CTNNA3: variants seen among roughly 807,000 people sequenced by gnomAD.
The protein encoded by CTNNA3 is catenin alpha-3.
CTNNA3 carries 76 observed loss-of-function variants against 95.7 expected under a neutral mutation model. That is an observed-to-expected ratio of 0.79 (90% confidence interval 0.66 to 0.96). CTNNA3 has a LOEUF of 0.96. Among genes scored for constraint, CTNNA3 ranks in the 40% least tolerant of loss-of-function variants. The probability of loss-of-function intolerance (pLI) is 0.00; values close to 1 mark genes in which losing one functional copy is unlikely to be tolerated. For missense variants in CTNNA3, 1,191 were observed against 1,089.8 expected, an observed-to-expected ratio of 1.09 and a Z score of -1.31; for synonymous variants, 431 against 374.4, an observed-to-expected ratio of 1.15 and a Z score of -1.74.
At chr10:66,624,871 T>G (rs1043933164) in intron 9 of CTNNA3, among the ~76,000 whole-genome samples, 6 of 152,148 alleles carry the variant, frequency 3.9e-5, no homozygotes, top group African/African-American at 1.4e-4. Context: ...GAAGAAAGTC[T>G]TGAAAAGCAT....
At position 67,606,931 on chromosome 10, in the gene CTNNA3, C is replaced by A; in HGVS notation, c.218G>T (p.Gly73Val). Residue 73 changes from glycine to valine, a missense_variant, in exon 3 of 18, where the codon GGA (glycine) becomes GTA (valine). Transcript: ENST00000433211. ...TGTAGCTTCCTGGGCAATCTTCTCTCCCTTGTCTAATAAATTCCAAGTTGC... is the reference window on the plus strand; with the variant it reads ...TGTAGCTTCCTGGGCAATCTTCTCTACCTTGTCTAATAAATTCCAAGTTGC... ...EEATWNLLDK[G>V]EKIAQEATVL... 6.2e-7 allele frequency: 1 copy of A among 1,614,100 alleles called. No homozygotes were observed. Among genetic ancestry groups the A allele is most frequent in the South Asian group, 1.1e-5 (1 of 91,082 alleles).
At chr10:67,081,591 A>G (rs1857057912) in intron 7 of CTNNA3, among the ~76,000 whole-genome samples, 1 of 152,098 alleles carries the variant, frequency 6.6e-6, no homozygotes, top group African/African-American at 2.4e-5. Flanking sequence ...GGCTCTCATC[A>G]TCTCTCGCCT....
chr10:66,464,364 T>C (rs746585964), intron 11 of CTNNA3, among the ~76,000 whole-genome samples: 3 of 152,158 alleles, frequency 2.0e-5, no homozygotes, highest in Admixed American at 6.6e-5. Context: ...CACTCATACT[T>C]GCTTCTTTCT....
chr10:66,580,293 T>G (rs2132193482), intron 10 of CTNNA3, among the ~76,000 whole-genome samples: 1 of 151,902 alleles, frequency 6.6e-6, no homozygotes, highest in Admixed American at 6.6e-5. Context: ...TTTTAATTTT[T>G]ATGGCTACAT....
intron 5 of CTNNA3, among the ~76,000 whole-genome samples, chr10:67,294,833 T>A (rs1871613): frequency 1.3e-5 from 2 of 152,184 alleles, no homozygotes; most frequent in African/African-American, 2.4e-5. Flanking sequence ...CTGCCTAGAC[T>A]GAGGTGTTGT....
intron 5 of CTNNA3, among the ~76,000 whole-genome samples, chr10:67,382,451 C>G (rs1843982552): frequency 6.6e-6 from 1 of 151,968 alleles, no homozygotes; most frequent in Non-Finnish European, 1.5e-5. Context: ...AACTAAAAAT[C>G]AACTAACAAA....
At chr10:66,544,320 T>C (rs1221478649) in intron 10 of CTNNA3, among the ~76,000 whole-genome samples, 1 of 152,024 alleles carries the variant, frequency 6.6e-6, no homozygotes, top group Non-Finnish European at 1.5e-5. Flanking sequence ...AACTGAAGAC[T>C]TAATGTTGAA....
chr10:66,718,886 A>G (rs1386823008), intron 9 of CTNNA3, among the ~76,000 whole-genome samples: 1 of 152,184 alleles, frequency 6.6e-6, no homozygotes, highest in Non-Finnish European at 1.5e-5. Context: ...AATCATTTCA[A>G]ATAACTTTAT....
chr10:66,376,870 G>A (rs563180919), intron 12 of CTNNA3, among the ~76,000 whole-genome samples: 1 of 152,236 alleles, frequency 6.6e-6, no homozygotes, highest in East Asian at 1.9e-4. Context: ...TAACTAATAA[G>A]TCCAAGATGT....
chr10:66,044,808 C>A (rs1195260519), intron 15 of CTNNA3, among the ~76,000 whole-genome samples: 1 of 152,150 alleles, frequency 6.6e-6, no homozygotes, highest in Non-Finnish European at 1.5e-5. Context: ...TAACAATCAC[C>A]ATTTATTGTG....
At chr10:66,531,132 TAAGTAA>T (rs1459481543) in intron 10 of CTNNA3, among the ~76,000 whole-genome samples, 4 of 152,118 alleles carry the variant, frequency 2.6e-5, no homozygotes, top group African/African-American at 4.8e-5. Context: ...CCAAATTAAA[TAAGTAA>T]AAGAGGAAAA....
intron 9 of CTNNA3, among the ~76,000 whole-genome samples, chr10:66,659,047 G>A (rs1425576397): frequency 6.6e-6 from 1 of 151,986 alleles, no homozygotes; most frequent in Non-Finnish European, 1.5e-5. Flanking sequence ...TGTATTCACT[G>A]AATGAATATT....
intron 11 of CTNNA3, among the ~76,000 whole-genome samples, chr10:66,447,915 G>A (rs760697816): frequency 6.6e-5 from 10 of 152,050 alleles, no homozygotes; most frequent in East Asian, 5.8e-4. Context: ...GAATATTTTC[G>A]CAACCTACTC....
At chr10:67,760,143 A>G (rs1338208698) in intron 1 of CTNNA3, among the ~76,000 whole-genome samples, 1 of 152,226 alleles carries the variant, frequency 6.6e-6, no homozygotes, top group Non-Finnish European at 1.5e-5. Flanking sequence ...GTTTCATCCA[A>G]TGGCAGAGGG....
intron 7 of CTNNA3, among the ~76,000 whole-genome samples, chr10:67,019,983 A>G (rs80068368): frequency 0.025 from 3,479 of 140,746 alleles, 159 homozygotes; most frequent in African/African-American, 0.086. Context: ...CCTGTGATGC[A>G]TTTAACAACA....
chr10:66,193,543 A>G (rs937100714), intron 13 of CTNNA3, among the ~76,000 whole-genome samples: 9 of 152,234 alleles, frequency 5.9e-5, no homozygotes, highest in Non-Finnish European at 1.2e-4. Flanking sequence ...ATGCTGAACT[A>G]CAGACTCTAA....
At chr10:66,030,889 T>C (rs1434889230) in intron 15 of CTNNA3, among the ~76,000 whole-genome samples, 2 of 151,640 alleles carry the variant, frequency 1.3e-5, no homozygotes, top group African/African-American at 2.4e-5. Context: ...GCAAAGGACA[T>C]GAAGAGAAAC....
At chr10:67,327,397 G>GT (rs1180815995) in intron 5 of CTNNA3, among the ~76,000 whole-genome samples, 1 of 152,216 alleles carries the variant, frequency 6.6e-6, no homozygotes, top group East Asian at 1.9e-4. Context: ...TTTGGATGGG[G>GT]TTTTTTTCCT....
chr10:66,017,109 T>G (rs1435181786), intron 15 of CTNNA3, among the ~76,000 whole-genome samples: 2 of 152,188 alleles, frequency 1.3e-5, no homozygotes, highest in Non-Finnish European at 2.9e-5. Context: ...TTCAGCAACA[T>G]GTGTCGATTT....
Sources: allele counts gnomAD v4.1 joint callset (sites outside exome capture counted in the v4.1 genomes callset), GRCh38; gene constraint gnomAD v4.1.1; transcripts MANE v1.5; gene names NCBI Gene and HGNC (gene_info 2026-07-23, HGNC 2026-07-21).